HK1: variants seen among roughly 807,000 people sequenced by gnomAD.
HK1 encodes the protein hexokinase 1, also known as hexokinase-1.
In HK1, 28 loss-of-function variants were observed where a neutral mutation model predicts 91.6. The observed-to-expected ratio is 0.31, with a 90% CI of 0.23 to 0.42. The LOEUF (loss-of-function observed/expected upper bound fraction) is 0.42, where lower values mean the gene tolerates loss of function less well. Ranked by LOEUF, HK1 falls within the 10% of genes least tolerant of loss-of-function variation. The pLI, the probability that HK1 is intolerant of heterozygous loss-of-function variation, is 1.00. For synonymous variants in HK1, 430 were observed against 468.1 expected (o/e 0.92, Z 1.05); for missense variants, 770 against 1,219.8 (o/e 0.63, Z 5.49).
Position 69,395,004 on chromosome 10 carries a change from A to G in HK1, c.2274A>G (p.Leu758=). 1 of 1,614,048 alleles carries G rather than the reference A, an allele frequency of 6.2e-7. No homozygotes were observed. The highest frequency in any genetic ancestry group is 8.5e-7 in the Non-Finnish European group (1 of 1,179,966). The change falls in exon 16 of 18, where the codon TTA becomes TTG. Residue 758 remains leucine, a synonymous_variant. Transcript: ENST00000359426. ...MYLGEIVRNI[L]IDFTKKGFLF... ...TGGGTGAAATCGTCCGCAACATCTT[A>G]ATCGACTTCACCAAGAAGGGATTCC...
chr10:69,381,546 CTTT>C (rs35306200), intron 9 of HK1, among the ~76,000 whole-genome samples: 2 of 132,238 alleles, frequency 1.5e-5, no homozygotes, highest in African/African-American at 3.0e-5. Flanking sequence ...TCATCTTAAC[CTTT>C]TTTTTTTTTT....
intron 7 of HK1, among the ~76,000 whole-genome samples, chr10:69,372,650 T>G (rs1449142494): frequency 6.6e-6 from 1 of 152,174 alleles, no homozygotes; most frequent in Non-Finnish European, 1.5e-5. Flanking sequence ...GTTTTCAGAG[T>G]GAGCTTCCAG....
At chr10:69,356,109 A>G (rs1325387407) in intron 2 of HK1, among the ~76,000 whole-genome samples, 1 of 152,202 alleles carries the variant, frequency 6.6e-6, no homozygotes, top group Non-Finnish European at 1.5e-5. Flanking sequence ...AGCACAAACA[A>G]TAAAAGAAAA....
At chr10:69,326,532 T>C (rs1276187202) in intron 1 of HK1, among the ~76,000 whole-genome samples, 4 of 152,124 alleles carry the variant, frequency 2.6e-5, no homozygotes, top group African/African-American at 9.7e-5. Context: ...TCTTGCTTCC[T>C]CTGTTTCCTT....
intron 4 of HK1, among the ~76,000 whole-genome samples, chr10:69,296,533 G>A (rs766856354): frequency 7.2e-5 from 11 of 152,164 alleles, no homozygotes; most frequent in Non-Finnish European, 1.2e-4. Context: ...TTTTTCAAAA[G>A]AGAAAGTTAC....
At chr10:69,370,650 G>T (rs1849949931) in intron 7 of HK1, among the ~76,000 whole-genome samples, 1 of 152,144 alleles carries the variant, frequency 6.6e-6, no homozygotes, top group Non-Finnish European at 1.5e-5. Flanking sequence ...GGGAGGTAGG[G>T]CAGACATGCA....
chr10:69,300,664 T>C (rs1424486474), intron 4 of HK1: 1 of 785,896 alleles, frequency 1.3e-6, no homozygotes, highest in African/African-American at 1.7e-5. Context: ...TGATCATCCA[T>C]GATTTCAAAT....
intron 2 of HK1, among the ~76,000 whole-genome samples, chr10:69,355,621 C>T (rs1849088236): frequency 1.3e-5 from 2 of 152,030 alleles, no homozygotes; most frequent in Admixed American, 6.6e-5. Context: ...GAAACCCCGT[C>T]TCTACTAAAA....
At chr10:69,318,202 G>A (rs1846754318), upstream of HK1, 1 of 985,320 alleles carries the variant, frequency 1.0e-6, no homozygotes. Context: ...GGGGCACGCC[G>A]GGGAGAGGTG....
Position 69,360,102 on chromosome 10 carries a change from C to G in HK1, c.375+57C>G, listed in dbSNP as rs1231350941. On this transcript the variant is annotated intron_variant, in intron 3 of 17. Coordinates refer to ENST00000359426, the MANE Select transcript of HK1 (RefSeq NM_000188.3). ...CGGGCCAGCATCCCCTTGGTTACCT[C>G]CAGGAACCAGGCCTCAAAGCACTGG... 6.5e-6 allele frequency: 10 copies of G among 1,533,854 alleles called. No homozygotes were observed. In the Admixed American group the frequency reaches 8.4e-5, roughly 13 times the overall value.
chr10:69,347,728 C>T (rs549631005), intron 2 of HK1, among the ~76,000 whole-genome samples: 88 of 152,098 alleles, frequency 5.8e-4, no homozygotes, highest in Non-Finnish European at 9.1e-4. Context: ...GCCACCACGC[C>T]CGGTTTAGGA....
At position 69,356,580 on chromosome 10, in the gene HK1, C is replaced by T. The variant is rs376183328; in HGVS notation, c.227-3317C>T. Among the ~76,000 whole-genome samples, 52 of 152,146 alleles carry T rather than the reference C, an allele frequency of 3.4e-4. 1 individual carries two copies. Among genetic ancestry groups the T allele is most frequent in the African/African-American group, 1.2e-3 (50 of 41,498 alleles). On this transcript the variant is annotated intron_variant, in intron 2 of 17. Coordinates refer to ENST00000359426, the MANE Select transcript of HK1 (RefSeq NM_000188.3). ...TAGAACATAAAAAGAACTTTTACAA[C>T]TCAACACATAAAAGACAAATGAGGC...
At chr10:69,325,012 T>C (rs2132594310) in intron 1 of HK1, among the ~76,000 whole-genome samples, 1 of 151,576 alleles carries the variant, frequency 6.6e-6, no homozygotes, top group African/African-American at 2.4e-5. Context: ...CTTTGTAAGG[T>C]GGAGTCAAAA....
chr10:69,399,100 C>T (rs1213773256), intron 17 of HK1, among the ~76,000 whole-genome samples: 2 of 152,194 alleles, frequency 1.3e-5, no homozygotes, highest in Non-Finnish European at 2.9e-5. Context: ...CCTGGTCCCC[C>T]TTAGGTGGGG....
chr10:69,300,951 T>A (rs906223), intron 5 of HK1: 692,728 of 761,468 alleles, frequency 0.91, 315,814 homozygotes, highest in East Asian at 0.99. Context: ...TTAATATACA[T>A]AAATCAATTG....
chr10:69,312,974 A>G (rs1306545562), upstream of HK1, among the ~76,000 whole-genome samples: 4 of 152,162 alleles, frequency 2.6e-5, no homozygotes, highest in East Asian at 5.8e-4. Flanking sequence ...GTGTCCTGAA[A>G]GGTCAGGGCC....
chr10:69,379,811 C>T (rs1839295391), intron 8 of HK1, 51 bp from the exon 9 acceptor site: 5 of 1,312,134 alleles, frequency 3.8e-6, no homozygotes, highest in Non-Finnish European at 5.5e-6. Flanking sequence ...CAGTGCTTTG[C>T]ACTGCCTCAT....
At chr10:69,392,718 T>A (rs182645079) in intron 15 of HK1, among the ~76,000 whole-genome samples, 3 of 151,460 alleles carry the variant, frequency 2.0e-5, no homozygotes, top group African/African-American at 7.4e-5. Flanking sequence ...CCTAGTGGCC[T>A]TGTGGAGCTT....
chr10:69,280,369 G>T (rs1014816170), intron 1 of HK1, among the ~76,000 whole-genome samples: 1 of 152,104 alleles, frequency 6.6e-6, no homozygotes, highest in Non-Finnish European at 1.5e-5. Context: ...TGCCCACCTC[G>T]GCCTCCCAAA....
Sources: gnomAD v4.1 joint callset for allele counts (sites outside exome capture counted in the v4.1 genomes callset) on GRCh38, gnomAD v4.1.1 for gene constraint, MANE v1.5 for transcripts, NCBI Gene and HGNC (gene_info 2026-07-23, HGNC 2026-07-21) for gene names.